TRPM1: variants seen among roughly 807,000 people sequenced by gnomAD.
TRPM1 encodes the protein TRPM1-203 APA Isoform, Intron 10.
Under a neutral mutation model 149.4 loss-of-function variants are expected in TRPM1, and 113 were observed. The ratio of observed to expected loss-of-function variants is 0.76; its 90% CI spans 0.65 to 0.88. The LOEUF is 0.88. Among genes scored for constraint, TRPM1 ranks in the 40% least tolerant of loss-of-function variants. TRPM1 has a pLI of 0.00. For synonymous variants in TRPM1, 741 were observed against 759.5 expected (o/e 0.98, Z 0.40); for missense variants, 1,976 against 2,038.7 (o/e 0.97, Z 0.59).
intron 27 of TRPM1, 53 bp downstream of exon 27, chr15:31,026,086 C>CAGA: frequency 6.2e-7 from 1 of 1,605,538 alleles, no homozygotes; most frequent in Admixed American, 1.7e-5. Context: ...AGTGGGGCGC[C>CAGA]CGAGTCAGCA....
intron 14 of TRPM1, 108 bp from the exon 15 acceptor site, chr15:31,047,359 T>G (rs888010318): frequency 1.6e-6 from 2 of 1,221,416 alleles, no homozygotes; most frequent in Non-Finnish European, 2.4e-6. Context: ...TGGGAGTTCA[T>G]GTAACAGGTG....
chr15:31,101,501 C>T (rs1420690716), intron 1 of TRPM1, among the ~76,000 whole-genome samples, 156 bp downstream of exon 1: 2 of 152,210 alleles, frequency 1.3e-5, no homozygotes, highest in Non-Finnish European at 2.9e-5. Flanking sequence ...CTCTTACTTG[C>T]ACCTGAGCCT....
In TRPM1 at chr15:31,035,873, T is replaced by TCA. The variant is rs1283514789; in HGVS notation, c.2572-201_2572-200dup. 4 of 688,864 alleles carry TCA rather than the reference T, an allele frequency of 5.8e-6. No individual in the cohort carries two copies. In the African/African-American group the frequency reaches 7.1e-5, roughly 12 times the overall value. 42.7% of individuals were successfully genotyped at this position (688,864 alleles called of 1,614,324 possible). On this transcript the variant is annotated intron_variant, in intron 20 of 27. Transcript: ENST00000256552. ...GGCAGGACGGGAGGCATTTTATACTTCAGCACGATATGGGCCCTGACTTTT... is the reference window on the plus strand; with the variant it reads ...GGCAGGACGGGAGGCATTTTATACTTCACAGCACGATATGGGCCCTGACTTTT...
chr15:31,088,526 C>A (rs1044877166), intron 1 of TRPM1, among the ~76,000 whole-genome samples: 5 of 152,178 alleles, frequency 3.3e-5, no homozygotes, highest in Admixed American at 2.6e-4. Flanking sequence ...GGATGCGCCA[C>A]CTTTAAGAGC....
At chr15:31,100,556 T>C (rs1297214932) in intron 1 of TRPM1, among the ~76,000 whole-genome samples, 1 of 151,970 alleles carries the variant, frequency 6.6e-6, no homozygotes, top group African/African-American at 2.4e-5. Flanking sequence ...AAAAGGAAAA[T>C]TAATTTGTGA....
intron 27 of TRPM1, among the ~76,000 whole-genome samples, chr15:31,016,877 C>G (rs2032372026): frequency 6.6e-6 from 1 of 151,950 alleles, no homozygotes; most frequent in Non-Finnish European, 1.5e-5. Flanking sequence ...CGCCCATATT[C>G]ATCTTTTGAC....
At chr15:31,094,553 G>C (rs1419911719) in intron 1 of TRPM1, among the ~76,000 whole-genome samples, 5 of 152,112 alleles carry the variant, frequency 3.3e-5, no homozygotes, top group Admixed American at 3.3e-4. Flanking sequence ...ACTGGGCAAA[G>C]GACTTGAATA....
chr15:31,082,322 T>A (rs1395089277), intron 1 of TRPM1, among the ~76,000 whole-genome samples: 4 of 152,160 alleles, frequency 2.6e-5, no homozygotes, highest in Non-Finnish European at 5.9e-5. Flanking sequence ...TTAAGAGTGC[T>A]TGTCCCAGCT....
In TRPM1 at chr15:31,026,263, G is replaced by A. The variant is rs1329548759; in HGVS notation, c.3505C>T (p.Leu1169Phe). 4.3e-6 allele frequency: 7 copies of A among 1,610,664 alleles called. No individual in the cohort carries two copies. In the Admixed American group the frequency reaches 1.2e-4, roughly 27 times the overall value. Residue 1169 changes from leucine to phenylalanine, a missense_variant, in exon 27 of 28, where the codon CTT becomes TTT. Coordinates refer to ENST00000256552, the MANE Select transcript of TRPM1 (RefSeq NM_001252024.2). The stretch of plus-strand genomic sequence containing the variant: ...AGCCTCTTTAGCTCCTCGTCGCTAA[G>A]GAAGAGCTCTGTGTGAAGGGAGAAG... ...EERDRGLKLF[L>F]SDEELKRLHE...
chr15:31,088,947 C>T (rs1265136270), intron 1 of TRPM1, among the ~76,000 whole-genome samples: 1 of 152,156 alleles, frequency 6.6e-6, no homozygotes, highest in Non-Finnish European at 1.5e-5. Context: ...CTGCTGGCGC[C>T]TCTGTGAGGC....
At chr15:31,019,211 G>A (rs1398947146) in intron 27 of TRPM1, among the ~76,000 whole-genome samples, 1 of 152,140 alleles carries the variant, frequency 6.6e-6, no homozygotes, top group African/African-American at 2.4e-5. Flanking sequence ...TCATAAAGTT[G>A]TCTTATCCAC....
intron 1 of TRPM1, among the ~76,000 whole-genome samples, chr15:31,130,127 T>A (rs1420008967): frequency 6.6e-6 from 1 of 152,180 alleles, no homozygotes; most frequent in Non-Finnish European, 1.5e-5. Context: ...GGACACATCT[T>A]CATGGCCCAG....
At position 31,038,077 on chromosome 15, in the gene TRPM1, A is replaced by G. The variant is rs2288242; in HGVS notation, c.2406T>C (p.Asn802=). 1,327,143 of 1,613,820 alleles carry G rather than the reference A, an allele frequency of 0.82. 549,038 individuals carry two copies. Among genetic ancestry groups the G allele is most frequent in the East Asian group, 0.93 (41,955 of 44,880 alleles). Reference sequence around the variant, plus strand: ...CCTCTTCTTTTTCTTTGCCATCCTCATTTTCCTTGGATGTTTGATACGAGA... The same window carrying G: ...CCTCTTCTTTTTCTTTGCCATCCTCGTTTTCCTTGGATGTTTGATACGAGA... ...DDFSYQTSKE[N]EDGKEKEEEN... Residue 802 remains asparagine, a synonymous_variant, in exon 19 of 28, where the codon AAT becomes AAC. Transcript: ENST00000256552.
intron 1 of TRPM1, among the ~76,000 whole-genome samples, chr15:31,122,519 T>C (rs969241491): frequency 1.3e-5 from 2 of 152,208 alleles, no homozygotes; most frequent in Admixed American, 6.5e-5. Context: ...TTTAAGTCAG[T>C]TGTTTTCCTA....
At position 31,042,152 on chromosome 15, in the gene TRPM1, C is replaced by T. The variant is rs886042426; in HGVS notation, c.1886G>A (p.Arg629Gln). The change falls in exon 17 of 28, where the codon CGG becomes CAG. Residue 629 changes from arginine to glutamine, a missense_variant. Transcript: ENST00000256552. ...DIDVDDPAVS[R>Q]FQYPFHELMV... ...CAGCTCGTGGAAGGGATACTGGAAC[C>T]GACTCACGGCAGGGTCGTCCACATC... is the stretch of plus-strand genomic sequence containing the variant. The T allele has an allele frequency of 8.1e-6, 13 of 1,614,026 alleles. No homozygotes were observed. The highest frequency in any genetic ancestry group is 6.6e-5 in the South Asian group (6 of 91,078).
chr15:31,073,882 T>C (rs1393467688), intron 3 of TRPM1, among the ~76,000 whole-genome samples: 2 of 152,118 alleles, frequency 1.3e-5, no homozygotes, highest in Non-Finnish European at 1.5e-5. Flanking sequence ...TCCCTTCTAT[T>C]CCTGGTTTTC....
intron 27 of TRPM1, among the ~76,000 whole-genome samples, chr15:31,007,491 T>C (rs990947929): frequency 1.1e-4 from 16 of 152,152 alleles, no homozygotes; most frequent in Admixed American, 4.6e-4. Context: ...CCTTGGCCTT[T>C]CCATTTAATT....
intron 21 of TRPM1, among the ~76,000 whole-genome samples, chr15:31,033,397 T>C (rs997942109): frequency 6.6e-6 from 1 of 152,194 alleles, no homozygotes. Flanking sequence ...AACTTAGACA[T>C]GAGAAATTAG....
At position 31,002,517 on chromosome 15, in the gene TRPM1, T is replaced by C; in HGVS notation, c.4183A>G (p.Lys1395Glu). 3 of 1,614,196 alleles carry C rather than the reference T, an allele frequency of 1.9e-6. No homozygotes were observed. The highest frequency in any genetic ancestry group is 1.7e-6 in the Non-Finnish European group (2 of 1,180,042). Residue 1395 changes from lysine to glutamate, a missense_variant, in exon 28 of 28, where the codon AAA (lysine) becomes GAA (glutamate). Around this residue, in one of 3 missense-constraint regions of TRPM1, gnomAD observed 572 missense variants for 578.9 expected, o/e 0.99. Transcript: ENST00000256552. ...EDDERQTDSK[K>E]EETISPSLNK... ...AAACTTGGGGAAATAGTTTCTTCTT[T>C]TTTAGAGTCTGTCTGTCTTTCATCA...
Sources: gnomAD v4.1 joint callset for allele counts (sites outside exome capture counted in the v4.1 genomes callset) on GRCh38, gnomAD v4.1.1 for gene constraint, gnomAD v4.1.1 regional missense constraint, MANE v1.5 for transcripts, NCBI Gene and HGNC (gene_info 2026-07-23, HGNC 2026-07-21) for gene names.